The following PTPRK variants were observed in gnomAD, a reference collection of about 807,000 sequenced individuals.
PTPRK encodes the protein protein tyrosine phosphatase receptor type K, also known as receptor-type tyrosine-protein phosphatase kappa.
PTPRK carries 75 observed loss-of-function variants against 178.0 expected under a neutral mutation model. The ratio of observed to expected loss-of-function variants is 0.42; its 90% CI spans 0.35 to 0.51. The LOEUF (loss-of-function observed/expected upper bound fraction) is 0.51. Ranked by LOEUF, PTPRK falls within the 20% of genes least tolerant of loss-of-function variation. The pLI is 0.02. For missense variants in PTPRK, 1,441 were observed against 1,797.8 expected (o/e 0.80, Z 3.59); for synonymous variants, 637 against 620.6 (o/e 1.03, Z -0.39).
chr6:128,412,633 T>C (rs1842432144), intron 1 of PTPRK, among the ~76,000 whole-genome samples: 1 of 152,230 alleles, frequency 6.6e-6, no homozygotes. Context: ...ACACTAGCAT[T>C]CCTGCAATAC....
At chr6:128,135,608 G>A (rs1213972001) in intron 7 of PTPRK, among the ~76,000 whole-genome samples, 7 of 152,170 alleles carry the variant, frequency 4.6e-5, no homozygotes, top group Non-Finnish European at 1.0e-4. Flanking sequence ...GCATTCTCAT[G>A]CACTTTGCTC....
At chr6:128,296,734 T>C (rs1393061451) in intron 3 of PTPRK, among the ~76,000 whole-genome samples, 4 of 151,962 alleles carry the variant, frequency 2.6e-5, no homozygotes, top group Non-Finnish European at 1.5e-5. Flanking sequence ...GCCCTAAACA[T>C]GGAAAGGAAC....
chr6:128,418,481 T>C (rs1324457316), intron 1 of PTPRK, among the ~76,000 whole-genome samples: 1 of 152,186 alleles, frequency 6.6e-6, no homozygotes, highest in East Asian at 1.9e-4. Context: ...GTGTGAACCC[T>C]ATTATGAAGT....
intron 6 of PTPRK, among the ~76,000 whole-genome samples, chr6:128,216,924 T>C (rs1809417988): frequency 1.3e-5 from 2 of 152,176 alleles, no homozygotes; most frequent in South Asian, 2.1e-4. Flanking sequence ...ATAGAACATA[T>C]ATAACTATGT....
Position 128,519,371 on chromosome 6 carries a change from C to A in PTPRK, c.100+888G>T, listed in dbSNP as rs566831148. Among the ~76,000 whole-genome samples, 10 of 152,340 alleles carry A rather than the reference C, an allele frequency of 6.6e-5. No individual in the cohort carries two copies. The East Asian group carries it at 1.9e-3, about 29-fold the overall frequency. The stretch of plus-strand genomic sequence containing the variant: ...GCGGCTTGACCGAGAACCCCCAGGG[C>A]TACAGCGAGACGCTCCACTTGTCTC... On this transcript the variant is annotated intron_variant, in intron 1 of 29. Transcript: ENST00000368226. This position sits in a 1 kb window ranked among gnomAD's most constrained non-coding sequence, Gnocchi z 4.3.
At chr6:128,084,196 AT>A (rs551915102) in intron 8 of PTPRK, among the ~76,000 whole-genome samples, 6 of 152,220 alleles carry the variant, frequency 3.9e-5, no homozygotes, top group Admixed American at 2.0e-4. Flanking sequence ...TTCCCCAAAG[AT>A]TTTTTTGAAG....
intron 11 of PTPRK, among the ~76,000 whole-genome samples, chr6:128,071,663 A>G (rs981965803): frequency 1.3e-4 from 19 of 151,934 alleles, no homozygotes; most frequent in African/African-American, 4.4e-4. Flanking sequence ...TTGTGCATCT[A>G]TTTCTACCTT....
At chr6:128,404,610 A>G (rs1303198717) in intron 1 of PTPRK, among the ~76,000 whole-genome samples, 1 of 152,204 alleles carries the variant, frequency 6.6e-6, no homozygotes, top group Non-Finnish European at 1.5e-5. Flanking sequence ...CTCAGGTACA[A>G]GTTGGAATTC....
At chr6:127,976,278 T>C (rs1774581689) in intron 27 of PTPRK, among the ~76,000 whole-genome samples, 1 of 136,328 alleles carries the variant, frequency 7.3e-6, no homozygotes, top group African/African-American at 3.1e-5. Context: ...ATTATTGTTA[T>C]TGCAATGTTC....
At chr6:128,413,162 A>T (rs2128380659) in intron 1 of PTPRK, among the ~76,000 whole-genome samples, 1 of 152,306 alleles carries the variant, frequency 6.6e-6, no homozygotes, top group Non-Finnish European at 1.5e-5. Context: ...TCCCTAAAGC[A>T]GGACAAGGCA....
At chr6:128,301,099 TG>T (rs1562242677) in intron 3 of PTPRK, among the ~76,000 whole-genome samples, 1 of 152,158 alleles carries the variant, frequency 6.6e-6, no homozygotes, top group Non-Finnish European at 1.5e-5. Context: ...AAATAGTGCC[TG>T]GCATGAAGAA....
chr6:128,339,983 A>G (rs1284266038), intron 2 of PTPRK, among the ~76,000 whole-genome samples: 1 of 152,166 alleles, frequency 6.6e-6, no homozygotes, highest in Non-Finnish European at 1.5e-5. Flanking sequence ...TCCAAAGGTC[A>G]GAATTGCTAC....
chr6:128,181,305 A>G (rs910359366), intron 7 of PTPRK, among the ~76,000 whole-genome samples: 3 of 152,118 alleles, frequency 2.0e-5, no homozygotes, highest in Non-Finnish European at 4.4e-5. Context: ...AATTTTAAAA[A>G]CAGTAAATTG....
At chr6:128,086,544 C>G (rs766913986) in intron 8 of PTPRK, among the ~76,000 whole-genome samples, 10 of 152,144 alleles carry the variant, frequency 6.6e-5, no homozygotes, top group Non-Finnish European at 1.5e-4. Flanking sequence ...AAATTATGTC[C>G]TTTTATTAGG....
intron 25 of PTPRK, among the ~76,000 whole-genome samples, chr6:127,979,659 C>A (rs1235053736): frequency 1.3e-5 from 2 of 152,148 alleles, no homozygotes; most frequent in African/African-American, 4.8e-5. Context: ...TTCCGCTTTG[C>A]AGCACCAAAA....
intron 13 of PTPRK, 121 bp from the exon 14 acceptor site, chr6:128,009,389 C>T: frequency 1.1e-6 from 1 of 876,366 alleles, no homozygotes; most frequent in Non-Finnish European, 1.7e-6. Flanking sequence ...AAAAATAATC[C>T]CACAATGTAA....
chr6:128,423,679 T>A (rs954893515), intron 1 of PTPRK, among the ~76,000 whole-genome samples: 3 of 151,592 alleles, frequency 2.0e-5, no homozygotes, highest in African/African-American at 7.3e-5. Flanking sequence ...AATACAATAC[T>A]TAGCCAGGAG....
At chr6:128,258,951 G>A (rs2128292669) in intron 3 of PTPRK, among the ~76,000 whole-genome samples, 2 of 152,248 alleles carry the variant, frequency 1.3e-5, no homozygotes, top group South Asian at 4.1e-4. Flanking sequence ...ACTCCATTGA[G>A]AAGCCAGTGG....
intron 1 of PTPRK, among the ~76,000 whole-genome samples, chr6:128,436,091 CCT>C (rs1845566067): frequency 6.6e-6 from 1 of 151,620 alleles, no homozygotes; most frequent in South Asian, 2.1e-4. Flanking sequence ...AAAATCAATC[CCT>C]TTTTTCAATC....
Sources: allele counts gnomAD v4.1 joint callset (sites outside exome capture counted in the v4.1 genomes callset), GRCh38; gene constraint gnomAD v4.1.1; non-coding constraint Gnocchi (gnomAD v3.1); transcripts MANE v1.5; gene names NCBI Gene and HGNC (gene_info 2026-07-23, HGNC 2026-07-21).